TMEM132D: variants seen among roughly 807,000 people sequenced by gnomAD.
TMEM132D encodes the protein mature OL transmembrane protein.
In TMEM132D, 21 loss-of-function variants were observed where a neutral mutation model predicts 62.3. The ratio of observed to expected loss-of-function variants is 0.34; its 90% CI spans 0.24 to 0.49. The LOEUF is 0.49. TMEM132D is among the 20% of genes least tolerant of loss of function. TMEM132D has a pLI of 0.99. For synonymous variants in TMEM132D, 621 were observed against 575.6 expected (o/e 1.08, Z -1.13); for missense variants, 1,346 against 1,402.8 (o/e 0.96, Z 0.65).
At chr12:129,810,928 C>T (rs901337327) in intron 1 of TMEM132D, among the ~76,000 whole-genome samples, 1 of 151,970 alleles carries the variant, frequency 6.6e-6, no homozygotes, top group African/African-American at 2.4e-5. Context: ...GATGGTATTG[C>T]GTGTCTAGAA....
intron 5 of TMEM132D, among the ~76,000 whole-genome samples, chr12:129,183,489 C>T (rs773152010): frequency 5.9e-5 from 9 of 152,230 alleles, no homozygotes; most frequent in South Asian, 2.1e-4. Context: ...TCCTTCTTCA[C>T]GCCACCTGAG....
chr12:129,656,427 C>T (rs928718871), intron 2 of TMEM132D, among the ~76,000 whole-genome samples: 1 of 152,126 alleles, frequency 6.6e-6, no homozygotes, highest in Non-Finnish European at 1.5e-5. Context: ...CAGCTGAACT[C>T]AAGGGTTTGA....
chr12:129,834,481 T>G (rs1872940092), intron 1 of TMEM132D, among the ~76,000 whole-genome samples: 1 of 151,390 alleles, frequency 6.6e-6, no homozygotes, highest in South Asian at 2.1e-4. Context: ...CCATACAGTT[T>G]TCCTTCCTAA....
chr12:129,776,903 A>C (rs771673880), intron 1 of TMEM132D, among the ~76,000 whole-genome samples: 4 of 152,080 alleles, frequency 2.6e-5, no homozygotes, highest in Non-Finnish European at 4.4e-5. Context: ...CGATATCTAC[A>C]CCTTTGGGTA....
intron 2 of TMEM132D, among the ~76,000 whole-genome samples, chr12:129,604,299 C>A (rs899210604): frequency 6.6e-6 from 1 of 152,134 alleles, no homozygotes; most frequent in Non-Finnish European, 1.5e-5. Context: ...CAAACCTGCA[C>A]GTTCAGCACA....
At chr12:129,662,222 G>T (rs1319725452) in intron 2 of TMEM132D, among the ~76,000 whole-genome samples, 1 of 152,170 alleles carries the variant, frequency 6.6e-6, no homozygotes, top group East Asian at 1.9e-4. Context: ...AAATTTAGAG[G>T]TCTTTTTCAT....
chr12:129,664,582 G>A (rs1224838026), intron 2 of TMEM132D, among the ~76,000 whole-genome samples: 4 of 151,756 alleles, frequency 2.6e-5, no homozygotes, highest in Non-Finnish European at 5.9e-5. Context: ...CCGCCACCAC[G>A]CCCAGCTAAT....
chr12:129,671,311 G>A, intron 2 of TMEM132D, among the ~76,000 whole-genome samples: 1 of 152,114 alleles, frequency 6.6e-6, no homozygotes, highest in East Asian at 1.9e-4. Flanking sequence ...GCTTCCATCA[G>A]TTGTAAAACG....
chr12:129,182,633 G>A (rs982589893), intron 5 of TMEM132D, among the ~76,000 whole-genome samples: 15 of 152,182 alleles, frequency 9.9e-5, no homozygotes, highest in African/African-American at 3.1e-4. Context: ...TCTGATGGAG[G>A]CTAATCTGCT....
rs1870601375 is a variant in TMEM132D, at chr12:129,371,555, T to C, written c.1116-33738A>G. 6.6e-6 allele frequency among the ~76,000 whole-genome samples: 1 copy of C among 151,808 alleles called. No individual in the cohort carries two copies. The highest frequency in any genetic ancestry group is 2.4e-5 in the African/African-American group (1 of 41,304). ...ATGATTATGATGATGATGATGATGA[T>C]GGCGATGATGGTGACAATGATGTGA... On this transcript the variant is annotated intron_variant, in intron 3 of 8. Transcript: ENST00000422113. This position sits in a 1 kb window ranked among gnomAD's most constrained non-coding sequence, Gnocchi z 4.3.
intron 3 of TMEM132D, among the ~76,000 whole-genome samples, chr12:129,398,101 G>A (rs1398145782): frequency 6.6e-6 from 1 of 152,232 alleles, no homozygotes; most frequent in Admixed American, 6.5e-5. Flanking sequence ...GAGGACAGGA[G>A]ACACGTTTGT....
chr12:129,142,247 T>A (rs1273772218), intron 5 of TMEM132D, among the ~76,000 whole-genome samples: 1 of 152,152 alleles, frequency 6.6e-6, no homozygotes, highest in Non-Finnish European at 1.5e-5. Context: ...TCTGCCCCTA[T>A]CGTACGTTGA....
chr12:129,424,584 T>G (rs2135712741), intron 3 of TMEM132D, among the ~76,000 whole-genome samples: 1 of 151,874 alleles, frequency 6.6e-6, no homozygotes, highest in Non-Finnish European at 1.5e-5. Flanking sequence ...GGTGGGCACC[T>G]GTAGTCCCAG....
chr12:129,820,834 CT>C (rs1269356830), intron 1 of TMEM132D, among the ~76,000 whole-genome samples: 1 of 152,192 alleles, frequency 6.6e-6, no homozygotes, highest in Non-Finnish European at 1.5e-5. Context: ...AGCCATCCTC[CT>C]GCCTTGGCCT....
intron 4 of TMEM132D, among the ~76,000 whole-genome samples, chr12:129,226,383 A>G (rs1376910342): frequency 6.6e-6 from 1 of 152,250 alleles, no homozygotes; most frequent in Non-Finnish European, 1.5e-5. Context: ...GGGTTTGCAG[A>G]GCCCACAGGT....
intron 4 of TMEM132D, among the ~76,000 whole-genome samples, chr12:129,267,731 T>C (rs1880734701): frequency 6.6e-6 from 1 of 152,244 alleles, no homozygotes; most frequent in South Asian, 2.1e-4. Context: ...GCCAAGTCAA[T>C]CCTAAGTCAA....
chr12:129,696,273 T>TATTA (rs1263002948), intron 2 of TMEM132D, among the ~76,000 whole-genome samples: 1 of 152,218 alleles, frequency 6.6e-6, no homozygotes, highest in Non-Finnish European at 1.5e-5. Context: ...AGTATCTCCT[T>TATTA]AGTAATGTCT....
At chr12:129,591,168 A>T (rs1413346461) in intron 2 of TMEM132D, among the ~76,000 whole-genome samples, 1 of 152,194 alleles carries the variant, frequency 6.6e-6, no homozygotes, top group Non-Finnish European at 1.5e-5. Flanking sequence ...AGGTTGAGGA[A>T]GAAGGGGGCA....
At chr12:129,532,722 G>A (rs1485570818) in intron 2 of TMEM132D, among the ~76,000 whole-genome samples, 1 of 152,164 alleles carries the variant, frequency 6.6e-6, no homozygotes, top group African/African-American at 2.4e-5. Context: ...TCTTCTAGGA[G>A]CATAGAATTT....
Sources: allele counts gnomAD v4.1 joint callset (sites outside exome capture counted in the v4.1 genomes callset), GRCh38; gene constraint gnomAD v4.1.1; non-coding constraint Gnocchi (gnomAD v3.1); transcripts MANE v1.5; gene names NCBI Gene and HGNC (gene_info 2026-07-23, HGNC 2026-07-21).